HMGXB4: variants seen among roughly 807,000 people sequenced by gnomAD.
HMGXB4 encodes the protein HMG domain-containing protein 4.
A neutral mutation model predicts 63.9 loss-of-function variants in HMGXB4; 27 were observed. The observed-to-expected ratio is 0.42, with a 90% CI of 0.31 to 0.58. The LOEUF is 0.58. HMGXB4 is among the 20% of genes least tolerant of loss of function. The pLI is 0.13. For missense variants in HMGXB4, 624 were observed against 700.7 expected, an observed-to-expected ratio of 0.89 and a Z score of 1.24; for synonymous variants, 264 against 265.3, an observed-to-expected ratio of 0.99 and a Z score of 0.05.
chr22:35,248,401 C>CT, the HMGXB4 span, among the ~76,000 whole-genome samples: 5,608 of 102,870 alleles, frequency 0.055, 227 homozygotes, highest in African/African-American at 0.12. Context: ...GAGGTCGGGA[C>CT]TTTTTTTTTT....
chr22:35,270,922 A>AGTTTT (rs1923564590), intron 5 of HMGXB4, among the ~76,000 whole-genome samples: 1 of 152,206 alleles, frequency 6.6e-6, no homozygotes, highest in South Asian at 2.1e-4. Context: ...AGCTTTTTAA[A>AGTTTT]AATATATTTT....
intron 2 of HMGXB4, 87 bp downstream of exon 2, chr22:35,262,508 A>G: frequency 7.6e-7 from 1 of 1,315,854 alleles, no homozygotes; most frequent in Non-Finnish European, 1.1e-6. Flanking sequence ...AGGACTGGGC[A>G]CCACAGCCTG....
the HMGXB4 span, among the ~76,000 whole-genome samples, chr22:35,244,186 G>T: frequency 6.6e-6 from 1 of 152,016 alleles, no homozygotes; most frequent in African/African-American, 2.4e-5. Context: ...ACTCATGATA[G>T]GAATGTTGGA....
At chr22:35,283,863 A>G (rs952553304) in intron 5 of HMGXB4, 99 bp from the exon 6 acceptor site, 1 of 796,432 alleles carries the variant, frequency 1.3e-6, no homozygotes, top group African/African-American at 1.7e-5. Context: ...CTTGATGAAA[A>G]AGTTTAGGTA....
chr22:35,279,283 C>A (rs1234152087), intron 5 of HMGXB4, among the ~76,000 whole-genome samples: 2 of 151,440 alleles, frequency 1.3e-5, no homozygotes, highest in Non-Finnish European at 2.9e-5. Context: ...CGAGTAGCTG[C>A]AATTACAGGC....
At chr22:35,246,436 T>C in the HMGXB4 span, among the ~76,000 whole-genome samples, 9 of 152,018 alleles carry the variant, frequency 5.9e-5, no homozygotes, top group Admixed American at 3.3e-4. Flanking sequence ...CATGCCCGGC[T>C]AATTTTTTGT....
intron 9 of HMGXB4, among the ~76,000 whole-genome samples, chr22:35,289,953 A>G (rs755741147): frequency 6.6e-6 from 1 of 152,242 alleles, no homozygotes; most frequent in African/African-American, 2.4e-5. Flanking sequence ...ACTTGCTTCA[A>G]TGTGGAAATT....
chr22:35,272,750 T>G (rs59573141), intron 5 of HMGXB4, among the ~76,000 whole-genome samples: 1,574 of 151,990 alleles, frequency 0.01, 28 homozygotes, highest in African/African-American at 0.036. Flanking sequence ...CCTGACCAAC[T>G]TGGTGAAACC....
At chr22:35,250,071 C>G in the HMGXB4 span, among the ~76,000 whole-genome samples, 8 of 44,454 alleles carry the variant, frequency 1.8e-4, 2 homozygotes, top group African/African-American at 2.7e-4. Context: ...CAAGGCAGTA[C>G]TGACCCTCCT....
intron 2 of HMGXB4, 87 bp from the exon 3 acceptor site, chr22:35,262,991 G>T: frequency 8.3e-7 from 1 of 1,211,726 alleles, no homozygotes; most frequent in Non-Finnish European, 1.2e-6. Flanking sequence ...TGGAAATAGA[G>T]GAACTGTTGC....
chr22:35,268,778 A>G (rs754022947), intron 5 of HMGXB4, among the ~76,000 whole-genome samples: 1 of 152,252 alleles, frequency 6.6e-6, no homozygotes, highest in African/African-American at 2.4e-5. Flanking sequence ...ACCTCTTATT[A>G]GTCTATTAAA....
chr22:35,263,429 G>A (rs969098603), intron 3 of HMGXB4, among the ~76,000 whole-genome samples: 6 of 151,736 alleles, frequency 4.0e-5, no homozygotes, highest in South Asian at 2.1e-4. Context: ...AATTACAGGC[G>A]CGGGCCACCA....
chr22:35,247,839 C>A, the HMGXB4 span, among the ~76,000 whole-genome samples: 4 of 152,112 alleles, frequency 2.6e-5, no homozygotes, highest in Non-Finnish European at 5.9e-5. Flanking sequence ...CTCCCAAAGA[C>A]ATAATTTTAA....
chr22:35,266,519 A>G (rs1333737222), intron 5 of HMGXB4, among the ~76,000 whole-genome samples: 2 of 152,224 alleles, frequency 1.3e-5, no homozygotes, highest in Non-Finnish European at 2.9e-5. Flanking sequence ...TAGGAATGAT[A>G]AATCAGTCAC....
At position 35,260,818 on chromosome 22, in the gene HMGXB4, C is replaced by A. The variant is rs560229888; in HGVS notation, c.-68-1505C>A. ...TACCTGTATGTACATTGTATTTTAT[C>A]TGATTGTGCAAATAAGTCTTTTTAA... On this transcript the variant is annotated intron_variant, in intron 1 of 10. Transcript: ENST00000216106. Among the ~76,000 whole-genome samples the A allele has an allele frequency of 9.9e-5, 15 of 152,228 alleles. No homozygotes were observed. The South Asian group carries it at 2.9e-3, about 29-fold the overall frequency.
the HMGXB4 span, among the ~76,000 whole-genome samples, chr22:35,243,637 G>C: frequency 6.6e-6 from 1 of 151,316 alleles, no homozygotes; most frequent in Admixed American, 6.6e-5. Context: ...TCCACCTCCG[G>C]GGTTTAAGCA....
the HMGXB4 span, among the ~76,000 whole-genome samples, chr22:35,245,329 A>AT: frequency 0.51 from 60,396 of 119,090 alleles, 16,364 homozygotes; most frequent in Non-Finnish European, 0.64. Context: ...GAAACTTTCT[A>AT]TTTTTTTTTT....
At chr22:35,292,325 C>T (rs919314156) in intron 9 of HMGXB4, among the ~76,000 whole-genome samples, 3 of 152,104 alleles carry the variant, frequency 2.0e-5, no homozygotes, top group African/African-American at 2.4e-5. Context: ...GATCTGGACC[C>T]GGGCAGTCTT....
In HMGXB4 at chr22:35,264,778, T is replaced by G; in HGVS notation, c.390T>G (p.Thr130=). 3 of 1,614,064 alleles carry G rather than the reference T, an allele frequency of 1.9e-6. No homozygotes were observed. The highest frequency in any genetic ancestry group is 2.5e-6 in the Non-Finnish European group (3 of 1,180,002). ...LAAGSKPSKK[T]GEKSSGSSSH... is the part of the protein sequence containing the mutation. Reference sequence around the variant, plus strand: ...CAGGCTCCAAGCCCTCCAAAAAGACTGGGGAGAAATCCTCTGGCTCTTCAA... The same window carrying G: ...CAGGCTCCAAGCCCTCCAAAAAGACGGGGGAGAAATCCTCTGGCTCTTCAA... The change falls in exon 5 of 11, where the codon ACT becomes ACG. Residue 130 remains threonine, a synonymous_variant. Coordinates refer to ENST00000216106, the MANE Select transcript of HMGXB4 (RefSeq NM_001003681.3).
Sources: gnomAD v4.1 joint callset for allele counts (sites outside exome capture counted in the v4.1 genomes callset) on GRCh38, gnomAD v4.1.1 for gene constraint, MANE v1.5 for transcripts, NCBI Gene and HGNC (gene_info 2026-07-23, HGNC 2026-07-21) for gene names.